Variants in GOLGA4 observed in about 807,000 individuals in gnomAD.
The protein encoded by GOLGA4 is golgin subfamily A member 4.
Under a neutral mutation model 265.9 loss-of-function variants are expected in GOLGA4, and 169 were observed. That is an observed-to-expected ratio of 0.64 (90% CI 0.56 to 0.72). The LOEUF (loss-of-function observed/expected upper bound fraction) is 0.72. Ranked by LOEUF, GOLGA4 falls within the 30% of genes least tolerant of loss-of-function variation. The pLI, the probability that GOLGA4 is intolerant of heterozygous loss-of-function variation, is 0.00. For missense variants in GOLGA4, 2,482 were observed against 2,483.4 expected, an observed-to-expected ratio of 1.00 and a Z score of 0.01; for synonymous variants, 923 against 855.8, an observed-to-expected ratio of 1.08 and a Z score of -1.37.
intron 7 of GOLGA4, among the ~76,000 whole-genome samples, chr3:37,297,955 G>C (rs555925517): frequency 1.4e-4 from 22 of 152,188 alleles, no homozygotes; most frequent in African/African-American, 5.1e-4. Flanking sequence ...CTTGAACCAG[G>C]GAGGTGGAGG....
At chr3:37,251,625 C>CTT (rs112817114) in intron 2 of GOLGA4, 141 bp downstream of exon 2, 4,888 of 475,302 alleles carry the variant, frequency 0.01, 12 homozygotes, top group African/African-American at 0.012. Flanking sequence ...CACAATTGGT[C>CTT]TTTTTTTTTT....
intron 19 of GOLGA4, among the ~76,000 whole-genome samples, chr3:37,338,485 C>A (rs1475622688): frequency 6.6e-6 from 1 of 152,080 alleles, no homozygotes; most frequent in African/African-American, 2.4e-5. Flanking sequence ...TTAGCTTTTC[C>A]CATCTATTCT....
intron 10 of GOLGA4, among the ~76,000 whole-genome samples, chr3:37,303,803 C>T (rs546396911): frequency 6.6e-6 from 1 of 152,290 alleles, no homozygotes; most frequent in African/African-American, 2.4e-5. Flanking sequence ...ACTACTGCTG[C>T]TACTATTGTT....
intron 5 of GOLGA4, among the ~76,000 whole-genome samples, chr3:37,294,675 C>T (rs74440392): frequency 0.017 from 2,660 of 152,184 alleles, 79 homozygotes; most frequent in African/African-American, 0.06. Context: ...TGTGAGCCAC[C>T]GCACCCGGCC....
Position 37,324,004 on chromosome 3 carries a change from A to T in GOLGA4, c.2118A>T (p.Glu706Asp). The T allele has an allele frequency of 6.2e-7, 1 of 1,613,818 alleles. No homozygotes were observed. Among genetic ancestry groups the T allele is most frequent in the Non-Finnish European group, 8.5e-7 (1 of 1,179,854 alleles). Residue 706 changes from glutamate (E) to aspartate (D), a missense_variant, in exon 14 of 24, where the codon GAA becomes GAT. Coordinates refer to ENST00000361924, the MANE Select transcript of GOLGA4 (RefSeq NM_002078.5). ...VLKARHKLEE[E>D]LSVLKDQTDK... ...AAGCCCGTCACAAACTAGAAGAGGA[A>T]CTTTCTGTTCTGAAAGATCAAACAG...
At chr3:37,348,181 A>G (rs1291885090) in intron 21 of GOLGA4, among the ~76,000 whole-genome samples, 2 of 152,190 alleles carry the variant, frequency 1.3e-5, no homozygotes, top group Non-Finnish European at 1.5e-5. Context: ...TTTAAAACCT[A>G]AAAAGCAAAT....
chr3:37,275,140 CG>C (rs1422612419), intron 2 of GOLGA4, among the ~76,000 whole-genome samples: 1 of 137,662 alleles, frequency 7.3e-6, no homozygotes, highest in Non-Finnish European at 1.5e-5. Flanking sequence ...TGCTTGAACC[CG>C]GGAGGCGGAG....
rs758454545 is a variant in GOLGA4 at position 37,327,640 on chromosome 3, T to G, written c.5754T>G (p.Leu1918=). 1.9e-6 allele frequency: 3 copies of G among 1,613,790 alleles called. No individual in the cohort carries two copies. Among genetic ancestry groups the G allele is most frequent in the African/African-American group, 1.3e-5 (1 of 74,902 alleles). The change falls in exon 14 of 24, where the codon CTT becomes CTG. Residue 1918 remains leucine, a synonymous_variant. Transcript: ENST00000361924. The part of the protein sequence containing the change: ...SKSHLVQPKL[L]SNMEAQHNDL... ...CACATTTGGTCCAACCCAAATTGCTTAGTAACATGGAAGCCCAGCACAATG... is the reference window on the plus strand; with the variant it reads ...CACATTTGGTCCAACCCAAATTGCTGAGTAACATGGAAGCCCAGCACAATG...
chr3:37,321,034 T>C (rs868257317), intron 12 of GOLGA4, among the ~76,000 whole-genome samples: 2 of 152,208 alleles, frequency 1.3e-5, no homozygotes, highest in Non-Finnish European at 1.5e-5. Context: ...GTTGGCAATA[T>C]CTGCTCTAAG....
chr3:37,343,191 A>G (rs1439799304), intron 20 of GOLGA4, among the ~76,000 whole-genome samples: 1 of 152,142 alleles, frequency 6.6e-6, no homozygotes, highest in Admixed American at 6.5e-5. Context: ...GCGCGATCTC[A>G]GCTCACCGCA....
At chr3:37,310,667 C>T (rs1428766266) in intron 10 of GOLGA4, among the ~76,000 whole-genome samples, 2 of 151,880 alleles carry the variant, frequency 1.3e-5, no homozygotes, top group South Asian at 2.1e-4. Context: ...ACTTAACTGA[C>T]AGAGGATCAT....
intron 10 of GOLGA4, among the ~76,000 whole-genome samples, chr3:37,311,934 A>G (rs1023034469): frequency 9.2e-5 from 14 of 152,358 alleles, no homozygotes; most frequent in African/African-American, 2.9e-4. Context: ...AGGTGAGAAC[A>G]TTACATTTAT....
In GOLGA4 at chr3:37,259,832, C is replaced by T. The variant is rs183523631; in HGVS notation, c.162+8348C>T. ...TTGGTCTTTTCATTGGCGATTAAGA[C>T]TAGAGAAAGTTAGATACCTTGTCCT... is the stretch of plus-strand genomic sequence containing the variant. On this transcript the variant is annotated intron_variant, in intron 2 of 23. Coordinates refer to ENST00000361924, the MANE Select transcript of GOLGA4 (RefSeq NM_002078.5). 2.6e-3 allele frequency among the ~76,000 whole-genome samples: 401 copies of T among 152,202 alleles called. 8 individuals carry two copies. The highest frequency in any genetic ancestry group is 0.024 in the Admixed American group (368 of 15,282).
At chr3:37,322,653 T>A (rs1346432513) in intron 13 of GOLGA4, among the ~76,000 whole-genome samples, 1 of 152,188 alleles carries the variant, frequency 6.6e-6, no homozygotes, top group Non-Finnish European at 1.5e-5. Context: ...AATTGTACTT[T>A]AATTTCGTCA....
intron 2 of GOLGA4, among the ~76,000 whole-genome samples, chr3:37,261,901 G>C (rs1002424301): frequency 2.0e-5 from 3 of 151,930 alleles, no homozygotes; most frequent in African/African-American, 7.3e-5. Context: ...CAAGGCCTTG[G>C]GTATCAGATT....
chr3:37,284,698 C>G (rs2096843713), intron 3 of GOLGA4, among the ~76,000 whole-genome samples: 1 of 147,506 alleles, frequency 6.8e-6, no homozygotes. Context: ...AGGTCTTACT[C>G]CCTCACCCAG....
rs1240320317 is a variant in GOLGA4 at position 37,244,066 on chromosome 3, A to G, written c.72+444A>G. 3.1e-5 allele frequency: 5 copies of G among 163,408 alleles called. No individual in the cohort carries two copies. In the South Asian group the frequency reaches 5.6e-4, roughly 18 times the overall value. The allele number at this position is 163,408 out of a possible 1,614,324, so 10.1% of individuals were successfully genotyped here. A position where few individuals can be genotyped will look rare whatever the true frequency, so the allele number is the denominator to read the frequency against. On this transcript the variant is annotated intron_variant, in intron 1 of 23. Coordinates refer to ENST00000361924, the MANE Select transcript of GOLGA4 (RefSeq NM_002078.5). ...TCTTTTGCCAGTCGTGAGATTTTGT[A>G]TGGAATGGCCAGGATCCCGCACAAT...
At chr3:37,305,822 T>C (rs545014541) in intron 10 of GOLGA4, among the ~76,000 whole-genome samples, 329 of 152,344 alleles carry the variant, frequency 2.2e-3, no homozygotes, top group African/African-American at 7.6e-3. Flanking sequence ...TAATTCTTGA[T>C]GTGAATATTA....
At chr3:37,314,642 A>ACACACAC (rs2096932199) in intron 10 of GOLGA4, among the ~76,000 whole-genome samples, 1 of 138,970 alleles carries the variant, frequency 7.2e-6, no homozygotes, top group African/African-American at 2.7e-5. Flanking sequence ...CTCCGTCTCA[A>ACACACAC]ACACACACAC....
Sources: gnomAD v4.1 joint callset for allele counts (sites outside exome capture counted in the v4.1 genomes callset) on GRCh38, gnomAD v4.1.1 for gene constraint, MANE v1.5 for transcripts, NCBI Gene and HGNC (gene_info 2026-07-23, HGNC 2026-07-21) for gene names.